KLF5: variants seen among roughly 807,000 people sequenced by gnomAD.
KLF5 encodes Krueppel-like factor 5.
Under a neutral mutation model 36.9 loss-of-function variants are expected in KLF5, and 9 were observed. The observed-to-expected ratio is 0.24, with a 90% CI of 0.15 to 0.43. The LOEUF is 0.43. Ranked by LOEUF, KLF5 falls within the 20% of genes least tolerant of loss-of-function variation. The pLI is 1.00. For synonymous variants in KLF5, 246 were observed against 241.7 expected (o/e 1.02, Z -0.17); for missense variants, 524 against 599.5 (o/e 0.87, Z 1.31).
At chr13:73,067,921 A>G (rs747027240) in intron 3 of KLF5, among the ~76,000 whole-genome samples, 2 of 151,252 alleles carry the variant, frequency 1.3e-5, no homozygotes, top group Middle Eastern at 3.4e-3. Flanking sequence ...GCTCACTGCA[A>G]CCTCCACCTC....
intron 1 of KLF5, chr13:73,060,601 G>A (rs1363595779): frequency 6.6e-6 from 1 of 152,230 alleles, no homozygotes; most frequent in Non-Finnish European, 1.5e-5. Flanking sequence ...CACATGATGA[G>A]AGCGTTAATT....
At chr13:73,060,931 T>A (rs2044630288) in intron 1 of KLF5, among the ~76,000 whole-genome samples, 1 of 152,190 alleles carries the variant, frequency 6.6e-6, no homozygotes, top group South Asian at 2.1e-4. Flanking sequence ...TTTCAGTTTG[T>A]CAATTTTCTG....
Position 73,062,802 on chromosome 13 carries a change from CGCGTGTGCGTGT to C in KLF5, c.1135+70_1135+81del, listed in dbSNP as rs2044649083. ...GTGTGTGTGTGTGTCTGTGTGCGCG[CGCGTGTGCGTGT>C]GTGCACGCGCGTGCCCTTTTCAACC... On this transcript the variant is annotated intron_variant, in intron 2 of 3. Transcript: ENST00000377687. 3 of 1,394,438 alleles carry C rather than the reference CGCGTGTGCGTGT, an allele frequency of 2.2e-6. No individual in the cohort carries two copies. In the South Asian group the frequency reaches 3.7e-5, roughly 17 times the overall value. The allele number at this position is 1,394,438 out of a possible 1,614,324, so 86.4% of individuals were successfully genotyped here.
chr13:73,074,110 G>GT (rs935869375), intron 3 of KLF5, among the ~76,000 whole-genome samples: 6 of 151,822 alleles, frequency 4.0e-5, no homozygotes, highest in Admixed American at 1.3e-4. Flanking sequence ...ACTCTCAAGG[G>GT]AAAAAAAATT....
rs67730943 is a variant in KLF5, at chr13:73,063,983, C to CTTTTTTTTTTTTTTTTTTTTTT, written c.1195+103_1195+104insTTTTTTTTTTTTTTTTTTTTTT. ...CGTGTTTGATCTCTTCTCCTGTCAA[C>CTTTTTTTTTTTTTTTTTTTTTT]TTTGTTTTTTTTTTTTTTTTTAAAT... On this transcript the variant is annotated intron_variant, in intron 3 of 3. Transcript: ENST00000377687. 9.0e-6 allele frequency: 3 copies of CTTTTTTTTTTTTTTTTTTTTTT among 332,714 alleles called. 1 individual carries two copies. Among genetic ancestry groups the CTTTTTTTTTTTTTTTTTTTTTT allele is most frequent in the Non-Finnish European group, 1.6e-5 (3 of 188,724 alleles). 20.6% of individuals were successfully genotyped at this position (332,714 alleles called of 1,614,324 possible). A position where few individuals can be genotyped will look rare whatever the true frequency, so the allele number is the denominator to read the frequency against.
intron 2 of KLF5, 82 bp downstream of exon 2, chr13:73,062,816 T>TGCGCGCGCGTGTGCGTGTGC (rs2139105521): frequency 8.4e-7 from 1 of 1,184,942 alleles, no homozygotes; most frequent in East Asian, 2.3e-5. Flanking sequence ...TGTGCGTGTG[T>TGCGCGCGCGTGTGCGTGTGC]GCACGCGCGT....
At position 73,075,892 on chromosome 13, in the gene KLF5, G is replaced by A. The variant is rs761103186; in HGVS notation, c.*6G>A. 1.9e-6 allele frequency: 3 copies of A among 1,556,624 alleles called. No individual in the cohort carries two copies. Among genetic ancestry groups the A allele is most frequent in the Non-Finnish European group, 2.6e-6 (3 of 1,137,252 alleles). ...TGAAGAGGCACCAGAACTGAGCACT[G>A]CCCGTGTGACCCGTTCCAGGTCCCC... is the stretch of plus-strand genomic sequence containing the variant. On this transcript the variant is annotated 3_prime_UTR_variant, in exon 4 of 4. Transcript: ENST00000377687.
At chr13:73,060,978 T>C (rs1324999005) in intron 1 of KLF5, among the ~76,000 whole-genome samples, 2 of 152,112 alleles carry the variant, frequency 1.3e-5, no homozygotes. Context: ...ATGACTGAGC[T>C]TTTTACAGAG....
intron 1 of KLF5, among the ~76,000 whole-genome samples, chr13:73,061,325 A>G (rs1424688291): frequency 6.6e-6 from 1 of 152,236 alleles, no homozygotes; most frequent in African/African-American, 2.4e-5. Context: ...AGACACTGAA[A>G]TAGCCAAATA....
chr13:73,066,935 T>C (rs1037087334), intron 3 of KLF5, among the ~76,000 whole-genome samples: 1 of 152,250 alleles, frequency 6.6e-6, no homozygotes, highest in Non-Finnish European at 1.5e-5. Context: ...ATTTTATTTA[T>C]ATCTGTACAT....
rs1246399655 is a variant in KLF5 at position 73,075,775 on chromosome 13, C to A, written c.1263C>A (p.Thr421=). The change falls in exon 4 of 4, where the codon ACC becomes ACA. Residue 421 remains threonine (T), a synonymous_variant. Coordinates refer to ENST00000377687, the MANE Select transcript of KLF5 (RefSeq NM_001730.5). ...GGTTCGCGCGATCGGATGAGCTGAC[C>A]CGCCACTACCGGAAGCACACAGGCG... ...DWRFARSDEL[T]RHYRKHTGAK... is the part of the protein sequence containing the mutation. 1 of 1,613,414 alleles carries A rather than the reference C, an allele frequency of 6.2e-7. No individual in the cohort carries two copies. The highest frequency in any genetic ancestry group is 8.5e-7 in the Non-Finnish European group (1 of 1,179,538).
intron 3 of KLF5, among the ~76,000 whole-genome samples, chr13:73,069,778 T>G (rs1213518223): frequency 6.6e-6 from 1 of 152,240 alleles, no homozygotes; most frequent in African/African-American, 2.4e-5. Flanking sequence ...AAGTATAATT[T>G]GATTCAGCAA....
Position 73,059,359 on chromosome 13 carries a change from G to T in KLF5, c.32G>T (p.Arg11Leu), listed in dbSNP as rs1280462267. The T allele has an allele frequency of 5.5e-5, 78 of 1,419,270 alleles. No homozygotes were observed. The highest frequency in any genetic ancestry group is 6.6e-5 in the Non-Finnish European group (72 of 1,087,558). 87.9% of individuals were successfully genotyped at this position (1,419,270 alleles called of 1,614,324 possible). A position where few individuals can be genotyped will look rare whatever the true frequency, so the allele number is the denominator to read the frequency against. ...ACAAGGGTGCTGAGCATGAGCGCCC[G>T]CCTGGGACCCGTGCCCCAGCCGCCG... MATRVLSMSA[R>L]LGPVPQPPAP... Residue 11 changes from arginine (R) to leucine (L), a missense_variant, in exon 1 of 4, where the codon CGC becomes CTC. By Grantham distance (102) the Arg-to-Leu change is moderately radical. This residue lies in a region of KLF5 where 454 missense variants were observed against 458.1 expected (regional missense o/e 0.99). Coordinates refer to ENST00000377687, the MANE Select transcript of KLF5 (RefSeq NM_001730.5).
At chr13:73,060,193 GTTTTC>G (rs1181234269) in intron 1 of KLF5, among the ~76,000 whole-genome samples, 1 of 139,670 alleles carries the variant, frequency 7.2e-6, no homozygotes, top group Non-Finnish European at 1.6e-5. Flanking sequence ...CGGGGGTGTT[GTTTTC>G]TTCGTGTGCA....
At position 73,076,445 on chromosome 13, in the gene KLF5, G is replaced by A. The variant is rs779716437; in HGVS notation, c.*559G>A. On this transcript the variant is annotated 3_prime_UTR_variant, in exon 4 of 4. Transcript: ENST00000377687. The stretch of plus-strand genomic sequence containing the variant: ...TTGCTATTCAAAATTTTGTAAATAT[G>A]CAAATCAGCTTTATAGGTTTATTAC... The A allele has an allele frequency of 6.6e-6, 1 of 152,516 alleles. No homozygotes were observed. Among genetic ancestry groups the A allele is most frequent in the Non-Finnish European group, 1.5e-5 (1 of 68,026 alleles). The allele number at this position is 152,516 out of a possible 1,614,324, so 9.4% of individuals were successfully genotyped here. A position where few individuals can be genotyped will look rare whatever the true frequency, so the allele number is the denominator to read the frequency against.
Position 73,059,591 on chromosome 13 carries a change from A to G in KLF5, c.261+3A>G, listed in dbSNP as rs1340962507. 1 of 1,145,186 alleles carries G rather than the reference A, an allele frequency of 8.7e-7. No homozygotes were observed. The highest frequency in any genetic ancestry group is 1.1e-6 in the Non-Finnish European group (1 of 934,080). 70.9% of individuals were successfully genotyped at this position (1,145,186 alleles called of 1,614,324 possible). A position where few individuals can be genotyped will look rare whatever the true frequency, so the allele number is the denominator to read the frequency against. On this transcript the variant is annotated splice_donor_region_variant and intron_variant, in intron 1 of 3. Transcript: ENST00000377687. ...TGCCTCCAGAGGACCTGGTCCAGGT[A>G]GGAAGAGCCGCTCCCCTCCCACCGC...
intron 1 of KLF5, chr13:73,059,984 C>T (rs2044620816): frequency 5.8e-6 from 1 of 173,522 alleles, no homozygotes. Flanking sequence ...TTGGAGCCCT[C>T]CCCCCCATCC....
chr13:73,066,429 C>G (rs547895741), intron 3 of KLF5, among the ~76,000 whole-genome samples: 3 of 151,936 alleles, frequency 2.0e-5, no homozygotes, highest in African/African-American at 7.2e-5. Context: ...CTGTCCTCCT[C>G]CTCCCTCTCG....
intron 2 of KLF5, 46 bp downstream of exon 2, chr13:73,062,780 TGTGTGTGTGTCTGTGTGCGCGCGC>T: frequency 6.4e-7 from 1 of 1,557,680 alleles, no homozygotes; most frequent in South Asian, 1.2e-5. Flanking sequence ...GTAGTGTGTG[TGTGTGTGTGTCTGTGTGCGCGCGC>T]GTGTGCGTGT....
Sources: allele counts gnomAD v4.1 joint callset (sites outside exome capture counted in the v4.1 genomes callset), GRCh38; gene constraint gnomAD v4.1.1; regional missense constraint gnomAD v4.1.1; transcripts MANE v1.5; gene names NCBI Gene and HGNC (gene_info 2026-07-23, HGNC 2026-07-21).